Variants in PPP2R2A observed in about 807,000 individuals in gnomAD.
The protein encoded by PPP2R2A is protein phosphatase 2 regulatory subunit Balpha.
PPP2R2A carries 9 observed loss-of-function variants against 53.2 expected under a neutral mutation model. That is an observed-to-expected ratio of 0.17 (90% CI 0.10 to 0.30). The LOEUF (loss-of-function observed/expected upper bound fraction) is 0.30, where lower values mean the gene tolerates loss of function less well. Ranked by LOEUF, PPP2R2A falls within the 10% of genes least tolerant of loss-of-function variation. PPP2R2A has a pLI of 1.00. For synonymous variants in PPP2R2A, 169 were observed against 174.2 expected (o/e 0.97, Z 0.23); for missense variants, 235 against 534.6 (o/e 0.44, Z 5.53).
intron 2 of PPP2R2A, among the ~76,000 whole-genome samples, chr8:26,315,602 A>G (rs990250388): frequency 1.3e-5 from 2 of 152,118 alleles, no homozygotes; most frequent in Admixed American, 6.5e-5. Context: ...AGATGTTTCA[A>G]CCAATAGCTG....
intron 2 of PPP2R2A, among the ~76,000 whole-genome samples, chr8:26,324,654 A>G (rs1456409761): frequency 6.8e-6 from 1 of 146,564 alleles, no homozygotes; most frequent in Non-Finnish European, 1.5e-5. Context: ...CCAAGCTGTG[A>G]GAAGAGGGCT....
At chr8:26,343,068 T>C (rs1804025275) in intron 3 of PPP2R2A, among the ~76,000 whole-genome samples, 1 of 151,888 alleles carries the variant, frequency 6.6e-6, no homozygotes, top group African/African-American at 2.4e-5. Flanking sequence ...ATCCCAGCTA[T>C]GTGACTGAAA....
intron 2 of PPP2R2A, among the ~76,000 whole-genome samples, chr8:26,300,175 G>C (rs1801716980): frequency 1.3e-5 from 2 of 152,106 alleles, no homozygotes; most frequent in Admixed American, 1.3e-4. Flanking sequence ...CTGACATTTT[G>C]TCATGTTATT....
rs1415300622 is a variant in PPP2R2A at position 26,346,608 on chromosome 8, T to C, written c.180+7621T>C. ...CTACTTTATTCGTTCCTTCTTACAG[T>C]TGAGTTGTGTAGATAGGTTTTGAAA... On this transcript the variant is annotated intron_variant, in intron 3 of 9. Coordinates refer to ENST00000380737, the MANE Select transcript of PPP2R2A (RefSeq NM_002717.4). 2.0e-5 allele frequency among the ~76,000 whole-genome samples: 3 copies of C among 152,228 alleles called. No individual in the cohort carries two copies. The East Asian group carries it at 5.8e-4, about 29-fold the overall frequency.
chr8:26,352,470 C>G (rs1363511203), intron 3 of PPP2R2A, among the ~76,000 whole-genome samples: 4 of 152,188 alleles, frequency 2.6e-5, no homozygotes, highest in African/African-American at 7.2e-5. Context: ...TGCCATTACT[C>G]TTTGTCCTGT....
At chr8:26,307,975 T>C (rs1802099754) in intron 2 of PPP2R2A, among the ~76,000 whole-genome samples, 1 of 152,232 alleles carries the variant, frequency 6.6e-6, no homozygotes, top group African/African-American at 2.4e-5. Context: ...TATTGCTGCT[T>C]TGGTTCCAGA....
At chr8:26,330,965 C>T (rs753854946) in intron 2 of PPP2R2A, among the ~76,000 whole-genome samples, 1 of 152,156 alleles carries the variant, frequency 6.6e-6, no homozygotes, top group Non-Finnish European at 1.5e-5. Context: ...AGGTGTGACA[C>T]TCTTGTGAGA....
At chr8:26,330,153 T>G (rs1244233099) in intron 2 of PPP2R2A, among the ~76,000 whole-genome samples, 2 of 152,200 alleles carry the variant, frequency 1.3e-5, no homozygotes, top group Non-Finnish European at 2.9e-5. Flanking sequence ...TATAGGGTAG[T>G]TCTTCAACTT....
chr8:26,339,537 G>T (rs897067867), intron 3 of PPP2R2A, among the ~76,000 whole-genome samples: 1 of 152,088 alleles, frequency 6.6e-6, no homozygotes, highest in Non-Finnish European at 1.5e-5. Flanking sequence ...AAAGAAAATT[G>T]CAGAATCGGT....
At position 26,306,029 on chromosome 8, in the gene PPP2R2A, T is replaced by G. The variant is rs1585329814; in HGVS notation, c.82+12289T>G. 2.0e-5 allele frequency among the ~76,000 whole-genome samples: 3 copies of G among 152,206 alleles called. No homozygotes were observed. In the East Asian group the frequency reaches 5.8e-4, roughly 29 times the overall value. On this transcript the variant is annotated intron_variant, in intron 2 of 9. Transcript: ENST00000380737. ...ACCATACAGAATTACAAAAATTAGC[T>G]GGGCATGGTGGCACGTGCCTGTAAT...
chr8:26,353,560 G>C (rs1804624369), intron 3 of PPP2R2A, among the ~76,000 whole-genome samples: 3 of 152,004 alleles, frequency 2.0e-5, no homozygotes, highest in African/African-American at 7.3e-5. Flanking sequence ...TTTTCCATAG[G>C]TGGTTCTTTG....
chr8:26,300,204 G>A (rs1345806167), intron 2 of PPP2R2A, among the ~76,000 whole-genome samples: 1 of 152,140 alleles, frequency 6.6e-6, no homozygotes, highest in Admixed American at 6.5e-5. Context: ...ACAAAAATTA[G>A]CCTTAGGTGT....
intron 2 of PPP2R2A, among the ~76,000 whole-genome samples, chr8:26,328,364 A>G (rs1438527484): frequency 7.2e-5 from 11 of 152,232 alleles, no homozygotes; most frequent in Admixed American, 6.5e-4. Context: ...ATTAATATGT[A>G]AAAGTTGCAT....
rs1805653904 is a variant in PPP2R2A at position 26,371,232 on chromosome 8, G to C, written c.*819G>C. The stretch of plus-strand genomic sequence containing the variant: ...CAAAATGGGTTTTCATTGTTTATTG[G>C]TATTTTTGTTAATTATTTTTAACAA... On this transcript the variant is annotated 3_prime_UTR_variant, in exon 10 of 10. Transcript: ENST00000380737. 6.6e-6 allele frequency: 1 copy of C among 152,028 alleles called. No homozygotes were observed. Among genetic ancestry groups the C allele is most frequent in the African/African-American group, 2.4e-5 (1 of 41,390 alleles). 9.4% of individuals were successfully genotyped at this position (152,028 alleles called of 1,614,324 possible).
rs542897522 is a variant in PPP2R2A, at chr8:26,354,979, T to G, written c.346+346T>G. Among the ~76,000 whole-genome samples the G allele has an allele frequency of 3.9e-5, 6 of 152,344 alleles. No homozygotes were observed. In the East Asian group the frequency reaches 1.2e-3, roughly 29 times the overall value. ...ATTTTCCTCAGCAGCAAACTAGAGA[T>G]AGCAATTTTTTATTATAGTATTATT... On this transcript the variant is annotated intron_variant, in intron 4 of 9. Coordinates refer to ENST00000380737, the MANE Select transcript of PPP2R2A (RefSeq NM_002717.4). The surrounding 1 kb of genome is among the most constrained non-coding windows in gnomAD (Gnocchi z 4.6).
chr8:26,315,302 C>T (rs1466346477), intron 2 of PPP2R2A, among the ~76,000 whole-genome samples: 1 of 151,908 alleles, frequency 6.6e-6, no homozygotes, highest in East Asian at 1.9e-4. Context: ...GAGCCAGGGA[C>T]CCGCAGTCAG....
intron 2 of PPP2R2A, among the ~76,000 whole-genome samples, chr8:26,312,058 TCTA>T (rs1037542059): frequency 3.9e-5 from 6 of 152,376 alleles, no homozygotes; most frequent in Non-Finnish European, 7.3e-5. Context: ...TCCTCGTTCT[TCTA>T]CTCACTTGTT....
At chr8:26,299,810 A>G (rs1801701512) in intron 2 of PPP2R2A, among the ~76,000 whole-genome samples, 1 of 151,898 alleles carries the variant, frequency 6.6e-6, no homozygotes. Flanking sequence ...AGATTTAGGC[A>G]GTAAGGTAAG....
chr8:26,339,718 GTTGT>G, intron 3 of PPP2R2A, among the ~76,000 whole-genome samples: 1 of 152,000 alleles, frequency 6.6e-6, no homozygotes, highest in Admixed American at 6.6e-5. Flanking sequence ...ATTAAAATCA[GTTGT>G]TTTGGAACAT....
Sources: allele counts gnomAD v4.1 joint callset (sites outside exome capture counted in the v4.1 genomes callset), GRCh38; gene constraint gnomAD v4.1.1; non-coding constraint Gnocchi (gnomAD v3.1); transcripts MANE v1.5; gene names NCBI Gene and HGNC (gene_info 2026-07-23, HGNC 2026-07-21).